Variants in ARHGEF7 observed in about 807,000 individuals in gnomAD.
The protein encoded by ARHGEF7 is Rho guanine nucleotide exchange factor 7.
ARHGEF7 carries 33 observed loss-of-function variants against 109.8 expected under a neutral mutation model. The ratio of observed to expected loss-of-function variants is 0.30; its 90% confidence interval spans 0.23 to 0.40. The LOEUF is 0.40. ARHGEF7 is among the 10% of genes least tolerant of loss of function. ARHGEF7 has a pLI of 1.00. For synonymous variants in ARHGEF7, 458 were observed against 424.6 expected (o/e 1.08, Z -0.97); for missense variants, 938 against 1,098.5 (o/e 0.85, Z 2.07).
chr13:111,163,246 C>T (rs2076882217), intron 2 of ARHGEF7, among the ~76,000 whole-genome samples: 1 of 152,158 alleles, frequency 6.6e-6, no homozygotes, highest in South Asian at 2.1e-4. Context: ...AGACAGTTTC[C>T]ATTCAGATAC....
In ARHGEF7 at chr13:111,177,608, C is replaced by T. The variant is rs2078295130; in HGVS notation, c.252+23617C>T. ...CTGCTGGCAGTCCCATTAGGCACTG[C>T]TGCCCCGGTGCCACTTGTCTGGACT... is the stretch of plus-strand genomic sequence containing the variant. On this transcript the variant is annotated intron_variant, in intron 2 of 21. Transcript: ENST00000646102. Among the ~76,000 whole-genome samples, 4 of 152,212 alleles carry T rather than the reference C, an allele frequency of 2.6e-5. No homozygotes were observed. The South Asian group carries it at 8.3e-4, about 31-fold the overall frequency.
At chr13:111,175,579 G>C (rs1007039735) in intron 2 of ARHGEF7, among the ~76,000 whole-genome samples, 1 of 152,174 alleles carries the variant, frequency 6.6e-6, no homozygotes, top group African/African-American at 2.4e-5. Flanking sequence ...GGAAGGACTG[G>C]AGGCCCCAGG....
At chr13:111,299,532 C>CGG (rs1204502333) in intron 19 of ARHGEF7, among the ~76,000 whole-genome samples, 2 of 151,754 alleles carry the variant, frequency 1.3e-5, no homozygotes, top group African/African-American at 2.4e-5. Flanking sequence ...TTAGTAGAGA[C>CGG]GGGGTTTCAC....
intron 8 of ARHGEF7, among the ~76,000 whole-genome samples, chr13:111,256,736 C>T (rs1361776197): frequency 3.3e-5 from 5 of 152,108 alleles, no homozygotes; most frequent in South Asian, 2.1e-4. Context: ...AATCATTTGC[C>T]GAGCTACCTC....
At chr13:111,159,836 G>C (rs867288124) in intron 2 of ARHGEF7, among the ~76,000 whole-genome samples, 1 of 152,082 alleles carries the variant, frequency 6.6e-6, no homozygotes, top group Non-Finnish European at 1.5e-5. Flanking sequence ...CTGTTTTGCT[G>C]TGCATAATCT....
At chr13:111,205,020 G>A (rs2081632276) in intron 2 of ARHGEF7, among the ~76,000 whole-genome samples, 1 of 145,230 alleles carries the variant, frequency 6.9e-6, no homozygotes, top group African/African-American at 2.5e-5. Context: ...CCGCCCCCGT[G>A]AATGAGCTCA....
chr13:111,206,922 A>C (rs1274440321), intron 3 of ARHGEF7, among the ~76,000 whole-genome samples: 1 of 146,224 alleles, frequency 6.8e-6, no homozygotes, highest in African/African-American at 2.6e-5. Context: ...AGATCGCGCC[A>C]CTGCACTCCA....
intron 1 of ARHGEF7, among the ~76,000 whole-genome samples, chr13:111,119,783 G>A (rs1594778998): frequency 6.6e-6 from 1 of 152,284 alleles, no homozygotes; most frequent in East Asian, 1.9e-4. Context: ...CAGGATTCTG[G>A]GGTTGGTTAG....
chr13:111,282,954 G>A (rs1032136314), intron 15 of ARHGEF7, 185 bp from the exon 16 acceptor site: 4 of 828,310 alleles, frequency 4.8e-6, no homozygotes, highest in Admixed American at 2.8e-5. Flanking sequence ...CCCAGGTGGC[G>A]CGAGCTAGTG....
intron 8 of ARHGEF7, among the ~76,000 whole-genome samples, chr13:111,259,140 C>T (rs1284244159): frequency 6.6e-6 from 1 of 152,146 alleles, no homozygotes; most frequent in Non-Finnish European, 1.5e-5. Flanking sequence ...CTAGACCTGC[C>T]CGGAGCCAAG....
At chr13:111,158,190 A>G (rs1015857820) in intron 2 of ARHGEF7, among the ~76,000 whole-genome samples, 1 of 152,254 alleles carries the variant, frequency 6.6e-6, no homozygotes, top group Non-Finnish European at 1.5e-5. Context: ...TACATAATAG[A>G]AAAGGGTAAT....
intron 1 of ARHGEF7, among the ~76,000 whole-genome samples, chr13:111,119,284 C>T (rs1236633927): frequency 6.6e-6 from 1 of 152,142 alleles, no homozygotes; most frequent in Non-Finnish European, 1.5e-5. Flanking sequence ...TGAATAAGGC[C>T]CCATCCTGAG....
At chr13:111,293,651 T>C in intron 19 of ARHGEF7, 1 of 985,350 alleles carries the variant, frequency 1.0e-6, no homozygotes. Flanking sequence ...AACCTTACGG[T>C]TGTGTTTTAA....
intron 2 of ARHGEF7, among the ~76,000 whole-genome samples, chr13:111,158,773 A>G (rs942488202): frequency 6.6e-6 from 1 of 152,244 alleles, no homozygotes; most frequent in Non-Finnish European, 1.5e-5. Flanking sequence ...TTTATGGAGT[A>G]ACATCATTAT....
intron 18 of ARHGEF7, among the ~76,000 whole-genome samples, chr13:111,290,473 T>C: frequency 6.6e-6 from 1 of 152,234 alleles, no homozygotes; most frequent in Non-Finnish European, 1.5e-5. Context: ...TATCAGGGAC[T>C]GGAGCGTCTG....
intron 5 of ARHGEF7, among the ~76,000 whole-genome samples, chr13:111,230,396 G>GA: frequency 6.6e-6 from 1 of 152,214 alleles, no homozygotes; most frequent in Non-Finnish European, 1.5e-5. Flanking sequence ...CCGTAATTTA[G>GA]CCTCTTTTAA....
At chr13:111,194,303 G>A (rs752592049) in intron 2 of ARHGEF7, among the ~76,000 whole-genome samples, 22 of 152,258 alleles carry the variant, frequency 1.4e-4, no homozygotes, top group Non-Finnish European at 2.8e-4. Flanking sequence ...AGGTTTTGAA[G>A]GCTGTTTCTG....
intron 1 of ARHGEF7, among the ~76,000 whole-genome samples, chr13:111,120,085 G>T (rs2067079426): frequency 6.6e-6 from 1 of 152,136 alleles, no homozygotes; most frequent in South Asian, 2.1e-4. Context: ...CCTGAATATG[G>T]TTCCAGAATA....
intron 6 of ARHGEF7, among the ~76,000 whole-genome samples, chr13:111,243,004 A>G (rs2088069747): frequency 6.6e-6 from 1 of 152,204 alleles, no homozygotes; most frequent in African/African-American, 2.4e-5. Context: ...TTTTGGCTAA[A>G]TTTGCTACAC....
Sources: allele counts gnomAD v4.1 joint callset (sites outside exome capture counted in the v4.1 genomes callset), GRCh38; gene constraint gnomAD v4.1.1; transcripts MANE v1.5; gene names NCBI Gene and HGNC (gene_info 2026-07-23, HGNC 2026-07-21).